PHACTR3: variants seen among roughly 807,000 people sequenced by gnomAD.
PHACTR3 encodes the protein phosphatase and actin regulator 3, also known as protein phosphatase 1, regulatory subunit 123.
A neutral mutation model predicts 66.8 loss-of-function variants in PHACTR3; 16 were observed. That is an observed-to-expected ratio of 0.24 (90% CI 0.16 to 0.36). The LOEUF (loss-of-function observed/expected upper bound fraction) is 0.36, where lower values mean the gene tolerates loss of function less well. PHACTR3 is among the 10% of genes least tolerant of loss of function. PHACTR3 has a pLI of 1.00. For synonymous variants in PHACTR3, 323 were observed against 292.1 expected, an observed-to-expected ratio of 1.11 and a Z score of -1.08; for missense variants, 647 against 719.9, an observed-to-expected ratio of 0.90 and a Z score of 1.16.
chr20:59,587,907 G>A (rs2033082023), intron 1 of PHACTR3, among the ~76,000 whole-genome samples: 1 of 152,152 alleles, frequency 6.6e-6, no homozygotes, highest in South Asian at 2.1e-4. Context: ...CTTCCACCCT[G>A]TCCACTCCTG....
At chr20:59,794,123 C>CAAAAAAA (rs71183186) in intron 7 of PHACTR3, among the ~76,000 whole-genome samples, 29 of 97,812 alleles carry the variant, frequency 3.0e-4, no homozygotes, top group African/African-American at 1.2e-3. Context: ...GACTCCATCT[C>CAAAAAAA]AAAAAAAAAA....
chr20:59,583,083 T>C (rs2032909203), intron 1 of PHACTR3, among the ~76,000 whole-genome samples: 2 of 152,334 alleles, frequency 1.3e-5, no homozygotes, highest in East Asian at 1.9e-4. Flanking sequence ...CATACCAGGA[T>C]GGCTGCTCAA....
intron 1 of PHACTR3, among the ~76,000 whole-genome samples, chr20:59,696,191 GCACA>G (rs1346741935): frequency 2.0e-5 from 3 of 152,198 alleles, no homozygotes; most frequent in African/African-American, 7.2e-5. Context: ...TTTGGTGCTA[GCACA>G]CAATAAAATT....
intron 1 of PHACTR3, among the ~76,000 whole-genome samples, chr20:59,719,810 C>T (rs572325670): frequency 2.0e-5 from 3 of 152,236 alleles, no homozygotes; most frequent in Admixed American, 1.3e-4. Flanking sequence ...ATTGTTGCCC[C>T]GTTTTACAAA....
rs530484188 is a variant in PHACTR3, at chr20:59,738,453, C to T, written c.119-4654C>T. Among the ~76,000 whole-genome samples the T allele has an allele frequency of 6.8e-5, 10 of 147,806 alleles. No homozygotes were observed. Among genetic ancestry groups the T allele is most frequent in the African/African-American group, 2.0e-4 (8 of 39,154 alleles). On this transcript the variant is annotated intron_variant, in intron 1 of 12. Transcript: ENST00000371015. This position sits in a 1 kb window ranked among gnomAD's most constrained non-coding sequence, Gnocchi z 4.4. ...GGTTAGAGCTCTATTTCTAAGACATCGGATCACAGGAAGACCAGTTGCTGG... is the reference window on the plus strand; with the variant it reads ...GGTTAGAGCTCTATTTCTAAGACATTGGATCACAGGAAGACCAGTTGCTGG...
intron 1 of PHACTR3, among the ~76,000 whole-genome samples, chr20:59,664,220 A>T (rs1487282113): frequency 1.3e-5 from 2 of 152,212 alleles, no homozygotes; most frequent in African/African-American, 4.8e-5. Flanking sequence ...AATCCACAAA[A>T]GGAGTGAGTG....
At chr20:59,737,504 G>C (rs1236307830) in intron 1 of PHACTR3, among the ~76,000 whole-genome samples, 1 of 145,730 alleles carries the variant, frequency 6.9e-6, no homozygotes, top group Non-Finnish European at 1.5e-5. Context: ...GTGTGTGTCT[G>C]TGTGCGTGCA....
intron 1 of PHACTR3, among the ~76,000 whole-genome samples, chr20:59,658,006 C>T (rs560600684): frequency 1.1e-4 from 17 of 152,196 alleles, no homozygotes; most frequent in African/African-American, 3.9e-4. Flanking sequence ...TTCATTCTTT[C>T]CCTCTGCTCT....
In PHACTR3 at chr20:59,794,943, G is replaced by A. The variant is rs1444989588; in HGVS notation, c.1175-11098G>A. ...CTTAGTCTAAAGATTTGTCAGCTTTGTCTTTTCAAAAAAACCTCATTTGTT... is the reference window on the plus strand; with the variant it reads ...CTTAGTCTAAAGATTTGTCAGCTTTATCTTTTCAAAAAAACCTCATTTGTT... On this transcript the variant is annotated intron_variant, in intron 7 of 12. Transcript: ENST00000371015. 2.6e-5 allele frequency among the ~76,000 whole-genome samples: 4 copies of A among 151,784 alleles called. No homozygotes were observed. The East Asian group carries it at 7.7e-4, about 29-fold the overall frequency.
intron 1 of PHACTR3, among the ~76,000 whole-genome samples, chr20:59,710,234 A>G (rs1601159237): frequency 6.6e-6 from 1 of 152,224 alleles, no homozygotes; most frequent in Admixed American, 6.5e-5. Context: ...ATTATAAACA[A>G]GAATGGAAAA....
intron 1 of PHACTR3, among the ~76,000 whole-genome samples, chr20:59,691,746 C>A (rs1484424268): frequency 6.6e-6 from 1 of 152,134 alleles, no homozygotes; most frequent in Non-Finnish European, 1.5e-5. Flanking sequence ...TGGAAGGATG[C>A]TGAGGAGGTT....
intron 8 of PHACTR3, among the ~76,000 whole-genome samples, chr20:59,811,651 CA>C (rs980922349): frequency 2.8e-5 from 4 of 145,178 alleles, no homozygotes; most frequent in African/African-American, 5.2e-5. Flanking sequence ...AGGGCAAAGA[CA>C]GGGGGGTTGG....
intron 5 of PHACTR3, among the ~76,000 whole-genome samples, chr20:59,770,176 C>T (rs1026539997): frequency 2.0e-5 from 3 of 152,190 alleles, no homozygotes; most frequent in Non-Finnish European, 2.9e-5. Flanking sequence ...TTCTGGCTTC[C>T]GCCCTGCCCT....
chr20:59,645,112 G>A (rs1341206828), intron 1 of PHACTR3, among the ~76,000 whole-genome samples: 1 of 152,002 alleles, frequency 6.6e-6, no homozygotes, highest in Non-Finnish European at 1.5e-5. Flanking sequence ...GTGAGAATAG[G>A]CAGTATTTGG....
intron 3 of PHACTR3, among the ~76,000 whole-genome samples, chr20:59,748,345 C>T (rs1029402582): frequency 6.6e-6 from 1 of 152,002 alleles, no homozygotes; most frequent in South Asian, 2.1e-4. Context: ...AGAGAGGCAG[C>T]GGCTATCCCA....
At chr20:59,819,044 C>A (rs928324106) in intron 8 of PHACTR3, among the ~76,000 whole-genome samples, 1 of 152,162 alleles carries the variant, frequency 6.6e-6, no homozygotes, top group Non-Finnish European at 1.5e-5. Flanking sequence ...GGGAATGAAG[C>A]CCACATCTAA....
intron 1 of PHACTR3, among the ~76,000 whole-genome samples, chr20:59,713,796 C>T (rs2037990979): frequency 6.6e-6 from 1 of 150,894 alleles, no homozygotes; most frequent in African/African-American, 2.4e-5. Flanking sequence ...ATATGGCTTG[C>T]ATATGTTTGG....
chr20:59,610,261 A>C (rs2033807818), intron 1 of PHACTR3, among the ~76,000 whole-genome samples: 3 of 152,156 alleles, frequency 2.0e-5, no homozygotes, highest in African/African-American at 7.2e-5. Flanking sequence ...TCTCCAAAGA[A>C]ACAAAATTCC....
rs149609787 is a variant in PHACTR3 at position 59,753,596 on chromosome 20, CAGAA to C, written c.359-1583_359-1580del. Among the ~76,000 whole-genome samples, 1,010 of 152,328 alleles carry C rather than the reference CAGAA, an allele frequency of 6.6e-3. 4 individuals are homozygous for C. The highest frequency in any genetic ancestry group is 0.022 in the South Asian group (108 of 4,820). On this transcript the variant is annotated intron_variant, in intron 3 of 12. Coordinates refer to ENST00000371015, the MANE Select transcript of PHACTR3 (RefSeq NM_080672.5). Reference sequence around the variant, plus strand: ...CAGAAACCATCACCAACAACAATGACAGAAAGCACATGTAAAGTGCCTACCTTAT... The same window carrying C: ...CAGAAACCATCACCAACAACAATGACAGCACATGTAAAGTGCCTACCTTAT...
Sources: allele counts gnomAD v4.1 joint callset (sites outside exome capture counted in the v4.1 genomes callset), GRCh38; gene constraint gnomAD v4.1.1; non-coding constraint Gnocchi (gnomAD v3.1); transcripts MANE v1.5; gene names NCBI Gene and HGNC (gene_info 2026-07-23, HGNC 2026-07-21).